Variants in MYRIP observed in about 807,000 individuals in gnomAD.
MYRIP encodes the protein myosin VIIA and Rab interacting protein.
A neutral mutation model predicts 98.0 loss-of-function variants in MYRIP; 49 were observed. The ratio of observed to expected loss-of-function variants is 0.50; its 90% CI spans 0.40 to 0.63. The LOEUF (loss-of-function observed/expected upper bound fraction) is 0.63. Among genes scored for constraint, MYRIP ranks in the 30% least tolerant of loss-of-function variants. MYRIP has a pLI of 0.00. For missense variants in MYRIP, 1,004 were observed against 1,058.2 expected (o/e 0.95, Z 0.71); for synonymous variants, 404 against 409.5 (o/e 0.99, Z 0.16).
At chr3:39,816,628 A>G (rs1297985366) in intron 1 of MYRIP, among the ~76,000 whole-genome samples, 1 of 152,192 alleles carries the variant, frequency 6.6e-6, no homozygotes, top group Non-Finnish European at 1.5e-5. Context: ...TGGAGTCCTG[A>G]GGAGGAGGCT....
intron 1 of MYRIP, among the ~76,000 whole-genome samples, chr3:39,864,204 G>T (rs1247775486): frequency 6.6e-6 from 1 of 152,070 alleles, no homozygotes; most frequent in East Asian, 1.9e-4. Context: ...TACTTAATGG[G>T]CAAAGCCTGG....
chr3:40,240,681 C>T (rs1445079136), intron 12 of MYRIP, among the ~76,000 whole-genome samples: 4 of 152,222 alleles, frequency 2.6e-5, no homozygotes, highest in African/African-American at 9.6e-5. Flanking sequence ...GTGAAATCAG[C>T]TCTTGTCTCC....
intron 13 of MYRIP, among the ~76,000 whole-genome samples, chr3:40,245,547 A>T (rs1030186485): frequency 2.7e-5 from 4 of 149,666 alleles, no homozygotes; most frequent in Non-Finnish European, 5.9e-5. Context: ...TACTTGGGAG[A>T]CTGAGGCAGG....
At chr3:40,084,929 T>C (rs561753998) in intron 3 of MYRIP, among the ~76,000 whole-genome samples, 269 of 147,062 alleles carry the variant, frequency 1.8e-3, no homozygotes, top group Admixed American at 3.3e-3. Context: ...CGATAGATAA[T>C]ATATATCTAT....
At chr3:40,048,201 T>A (rs994982618) in intron 3 of MYRIP, among the ~76,000 whole-genome samples, 3 of 152,178 alleles carry the variant, frequency 2.0e-5, no homozygotes, top group Admixed American at 6.6e-5. Context: ...TGATAGTAGG[T>A]CTATGAGGTT....
chr3:39,963,919 T>C (rs139619582), intron 2 of MYRIP, among the ~76,000 whole-genome samples: 5 of 152,264 alleles, frequency 3.3e-5, no homozygotes, highest in African/African-American at 1.2e-4. Flanking sequence ...CCCGGAAGGA[T>C]TGTGTCTAGC....
At chr3:40,078,025 G>A (rs962309518) in intron 3 of MYRIP, among the ~76,000 whole-genome samples, 1 of 152,252 alleles carries the variant, frequency 6.6e-6, no homozygotes, top group Non-Finnish European at 1.5e-5. Context: ...CCATGGAGAG[G>A]GTGGGAGGCT....
At chr3:39,892,053 C>G (rs898259320) in intron 1 of MYRIP, among the ~76,000 whole-genome samples, 2 of 152,124 alleles carry the variant, frequency 1.3e-5, no homozygotes, top group South Asian at 4.1e-4. Context: ...AAAGCTTCTT[C>G]TATCCTAAAG....
At chr3:40,224,829 T>C (rs986095299) in intron 11 of MYRIP, among the ~76,000 whole-genome samples, 3 of 152,248 alleles carry the variant, frequency 2.0e-5, no homozygotes, top group Non-Finnish European at 4.4e-5. Flanking sequence ...TGCTAATTTA[T>C]TAAGTTCATG....
intron 15 of MYRIP, among the ~76,000 whole-genome samples, chr3:40,251,014 G>T (rs1451419867): frequency 1.3e-5 from 2 of 152,200 alleles, no homozygotes; most frequent in African/African-American, 4.8e-5. Context: ...GAATATGCTG[G>T]AATGGTGACT....
intron 2 of MYRIP, among the ~76,000 whole-genome samples, chr3:39,955,320 A>G (rs551324057): frequency 1.3e-5 from 2 of 151,822 alleles, no homozygotes; most frequent in Non-Finnish European, 3.0e-5. Context: ...CAGACTAACA[A>G]TGGATCTCTC....
At chr3:40,134,378 C>T (rs1949716452) in intron 3 of MYRIP, among the ~76,000 whole-genome samples, 1 of 152,258 alleles carries the variant, frequency 6.6e-6, no homozygotes, top group Non-Finnish European at 1.5e-5. Context: ...GTAAACAAAG[C>T]AGCCGGGAAG....
intron 3 of MYRIP, among the ~76,000 whole-genome samples, chr3:40,076,391 C>T (rs528780747): frequency 1.3e-5 from 2 of 152,220 alleles, no homozygotes; most frequent in Non-Finnish European, 2.9e-5. Context: ...CATTTGACTG[C>T]ATATTAGAAT....
At chr3:40,063,096 G>A (rs1230960440) in intron 3 of MYRIP, among the ~76,000 whole-genome samples, 1 of 152,120 alleles carries the variant, frequency 6.6e-6, no homozygotes, top group East Asian at 1.9e-4. Context: ...TAATTTTGAG[G>A]AAACATCAAA....
chr3:40,078,008 C>A (rs1045533801), intron 3 of MYRIP, among the ~76,000 whole-genome samples: 1 of 152,250 alleles, frequency 6.6e-6, no homozygotes, highest in Non-Finnish European at 1.5e-5. Flanking sequence ...GTCGGCCACA[C>A]AGGAGCCCAT....
chr3:39,829,182 A>G (rs1366661019), intron 1 of MYRIP, among the ~76,000 whole-genome samples: 2 of 152,190 alleles, frequency 1.3e-5, no homozygotes, highest in African/African-American at 4.8e-5. Flanking sequence ...TACAGGAGTA[A>G]GGTGGCATTG....
rs1382178398 is a variant in MYRIP, at chr3:40,034,187, A to G, written c.111-9863A>G. Among the ~76,000 whole-genome samples the G allele has an allele frequency of 2.0e-5, 3 of 151,744 alleles. 1 individual carries two copies. The highest frequency in any genetic ancestry group is 7.3e-5 in the African/African-American group (3 of 41,372). On this transcript the variant is annotated intron_variant, in intron 2 of 16. Coordinates refer to ENST00000302541, the MANE Select transcript of MYRIP (RefSeq NM_015460.4). ...GCAAGGACTTCATGTCTAAAACACC[A>G]AAAGCAATGGCAACAAAAGCCAAAA...
chr3:39,980,340 G>A lies in MYRIP; in HGVS notation c.111-63710G>A, dbSNP rs929665447. Among the ~76,000 whole-genome samples, 6 of 152,136 alleles carry A rather than the reference G, an allele frequency of 3.9e-5. No individual in the cohort carries two copies. The East Asian group carries it at 7.7e-4, about 19-fold the overall frequency. On this transcript the variant is annotated intron_variant, in intron 2 of 16. Transcript: ENST00000302541. The stretch of plus-strand genomic sequence containing the variant: ...CCATGCAAATCAGGCATTAACCAGA[G>A]TTAACCCAGGATGGGCATGGCCCTT...
intron 1 of MYRIP, among the ~76,000 whole-genome samples, chr3:39,822,097 C>T (rs1941118900): frequency 6.6e-6 from 1 of 151,996 alleles, no homozygotes; most frequent in Non-Finnish European, 1.5e-5. Context: ...AAGTGTATAC[C>T]ATTATGAGAA....
Sources: allele counts gnomAD v4.1 joint callset (sites outside exome capture counted in the v4.1 genomes callset), GRCh38; gene constraint gnomAD v4.1.1; transcripts MANE v1.5; gene names NCBI Gene and HGNC (gene_info 2026-07-23, HGNC 2026-07-21).